The following GALNT17 variants were observed in gnomAD, a reference collection of about 807,000 sequenced individuals.
The protein encoded by GALNT17 is polypeptide N-acetylgalactosaminyltransferase 17.
Under a neutral mutation model 63.7 loss-of-function variants are expected in GALNT17, and 29 were observed. The ratio of observed to expected loss-of-function variants is 0.46; its 90% CI spans 0.34 to 0.62. GALNT17 has a LOEUF of 0.62. Ranked by LOEUF, GALNT17 falls within the 20% of genes least tolerant of loss-of-function variation. The pLI, the probability that GALNT17 is intolerant of heterozygous loss-of-function variation, is 0.01. For synonymous variants in GALNT17, 305 were observed against 318.3 expected (o/e 0.96, Z 0.45); for missense variants, 603 against 799.6 (o/e 0.75, Z 2.97).
intron 9 of GALNT17, among the ~76,000 whole-genome samples, chr7:71,697,886 G>T (rs1352335443): frequency 6.6e-6 from 1 of 151,998 alleles, no homozygotes; most frequent in Admixed American, 6.6e-5. Flanking sequence ...ACTTTGGGAG[G>T]CCTAGTCAGG....
At chr7:71,507,052 T>C (rs985987641) in intron 5 of GALNT17, among the ~76,000 whole-genome samples, 5 of 152,140 alleles carry the variant, frequency 3.3e-5, no homozygotes, top group Non-Finnish European at 5.9e-5. Context: ...CTGGACAACA[T>C]AGTGAGACCC....
chr7:71,513,818 A>C (rs1234205381), intron 5 of GALNT17, among the ~76,000 whole-genome samples: 1 of 152,202 alleles, frequency 6.6e-6, no homozygotes, highest in Non-Finnish European at 1.5e-5. Context: ...TGTGGGTTCA[A>C]TGATAATTGA....
chr7:71,200,454 C>T (rs1390450869), intron 1 of GALNT17, among the ~76,000 whole-genome samples: 1 of 152,088 alleles, frequency 6.6e-6, no homozygotes, highest in East Asian at 1.9e-4. Context: ...ACTGCATGTC[C>T]ACTGGTGTAA....
intron 1 of GALNT17, among the ~76,000 whole-genome samples, chr7:71,204,893 C>CTG (rs770741881): frequency 7.9e-5 from 12 of 152,014 alleles, no homozygotes; most frequent in Non-Finnish European, 1.8e-4. Flanking sequence ...TTATAGGTGC[C>CTG]TGCCACCATG....
chr7:71,193,828 A>G (rs1044177202), intron 1 of GALNT17, among the ~76,000 whole-genome samples: 1 of 152,192 alleles, frequency 6.6e-6, no homozygotes, highest in Admixed American at 6.5e-5. Context: ...AGCTACAGAA[A>G]TAGCAAGTGA....
At chr7:71,450,139 A>ATTT (rs55881759) in intron 5 of GALNT17, among the ~76,000 whole-genome samples, 38 of 130,094 alleles carry the variant, frequency 2.9e-4, no homozygotes, top group East Asian at 2.0e-3. Context: ...GTATTTAAAG[A>ATTT]TTTTTTTTTT....
intron 5 of GALNT17, among the ~76,000 whole-genome samples, chr7:71,543,331 A>T (rs1788925236): frequency 6.6e-6 from 1 of 152,188 alleles, no homozygotes; most frequent in African/African-American, 2.4e-5. Flanking sequence ...TTTTGAGAAA[A>T]GGACAGCTTT....
intron 5 of GALNT17, among the ~76,000 whole-genome samples, chr7:71,547,882 G>A (rs745654603): frequency 6.6e-6 from 1 of 151,990 alleles, no homozygotes; most frequent in Non-Finnish European, 1.5e-5. Flanking sequence ...GACACTTATA[G>A]CACTAATATT....
chr7:71,401,332 G>A (rs1318818293), intron 3 of GALNT17, among the ~76,000 whole-genome samples: 1 of 152,048 alleles, frequency 6.6e-6, no homozygotes, highest in Non-Finnish European at 1.5e-5. Flanking sequence ...TCTGACCTCA[G>A]ATGATCTGCC....
chr7:71,132,594 A>G lies in GALNT17; in HGVS notation c.-209A>G. ...CGGGGAGCACTTCTGCAGAGCGAGG[A>G]CTTCCATGTGAGCGATTCCGTTCTC... is the stretch of plus-strand genomic sequence containing the variant. On this transcript the variant is annotated 5_prime_UTR_variant, in exon 1 of 11. Coordinates refer to ENST00000333538, the MANE Select transcript of GALNT17 (RefSeq NM_022479.3). The G allele has an allele frequency of 1.8e-6, 1 of 556,376 alleles. No individual in the cohort carries two copies. The highest frequency in any genetic ancestry group is 3.2e-6 in the Non-Finnish European group (1 of 315,758). The allele number at this position is 556,376 out of a possible 1,614,324, so 34.5% of individuals were successfully genotyped here. A position where few individuals can be genotyped will look rare whatever the true frequency, so the allele number is the denominator to read the frequency against.
chr7:71,356,868 G>A (rs191864555), intron 2 of GALNT17, among the ~76,000 whole-genome samples: 72 of 152,244 alleles, frequency 4.7e-4, no homozygotes, highest in African/African-American at 1.2e-3. Context: ...TGCAACCACC[G>A]CCTTCTGGGT....
rs529671927 is a variant in GALNT17, at chr7:71,381,128, T to C, written c.423-7107T>C. ...GGTGTGTGCCACCACGCCCAGCTGA[T>C]TTTTATATTTCTTGGTAGAGGTGGG... On this transcript the variant is annotated intron_variant, in intron 2 of 10. Coordinates refer to ENST00000333538, the MANE Select transcript of GALNT17 (RefSeq NM_022479.3). Among the ~76,000 whole-genome samples, 179 of 151,810 alleles carry C rather than the reference T, an allele frequency of 1.2e-3. 1 individual carries two copies. Among genetic ancestry groups the C allele is most frequent in the Non-Finnish European group, 1.8e-3 (124 of 67,896 alleles).
At chr7:71,572,424 C>G (rs1337737851) in intron 6 of GALNT17, among the ~76,000 whole-genome samples, 1 of 145,062 alleles carries the variant, frequency 6.9e-6, no homozygotes, top group African/African-American at 2.6e-5. Flanking sequence ...ATCGCTTGAG[C>G]CCAGGAGTTC....
intron 6 of GALNT17, among the ~76,000 whole-genome samples, chr7:71,653,563 A>G (rs1790783404): frequency 6.7e-6 from 1 of 149,942 alleles, no homozygotes; most frequent in Admixed American, 6.7e-5. Flanking sequence ...GTGCCACCAC[A>G]CCTGGCTAAT....
chr7:71,689,442 T>C (rs1178288745), intron 9 of GALNT17, among the ~76,000 whole-genome samples: 1 of 152,208 alleles, frequency 6.6e-6, no homozygotes, highest in East Asian at 1.9e-4. Context: ...TCAGTTTTAG[T>C]GGTATGGTTA....
At chr7:71,663,749 A>G (rs1395061993) in intron 6 of GALNT17, among the ~76,000 whole-genome samples, 1 of 152,232 alleles carries the variant, frequency 6.6e-6, no homozygotes, top group African/African-American at 2.4e-5. Context: ...CACCAAATTC[A>G]GCCAACAAAA....
chr7:71,349,954 A>C (rs1231234422), intron 2 of GALNT17, among the ~76,000 whole-genome samples: 6 of 152,222 alleles, frequency 3.9e-5, no homozygotes, highest in Non-Finnish European at 7.3e-5. Context: ...AATATTAGAT[A>C]ATCAGAAGTT....
intron 2 of GALNT17, among the ~76,000 whole-genome samples, chr7:71,384,114 T>C (rs568704418): frequency 6.6e-6 from 1 of 152,296 alleles, no homozygotes; most frequent in South Asian, 2.1e-4. Context: ...TTTTCAGGTT[T>C]TTGTTTTGTT....
chr7:71,442,671 A>G (rs1787089339), intron 5 of GALNT17, among the ~76,000 whole-genome samples: 1 of 152,146 alleles, frequency 6.6e-6, no homozygotes, highest in South Asian at 2.1e-4. Flanking sequence ...TTCTTCCGGA[A>G]GTGTAGGCTC....
Sources: gnomAD v4.1 joint callset for allele counts (sites outside exome capture counted in the v4.1 genomes callset) on GRCh38, gnomAD v4.1.1 for gene constraint, MANE v1.5 for transcripts, NCBI Gene and HGNC (gene_info 2026-07-23, HGNC 2026-07-21) for gene names.